Variants in SLC25A26 observed in about 807,000 individuals in gnomAD.
SLC25A26 encodes mitochondrial S-adenosylmethionine carrier protein.
A neutral mutation model predicts 37.8 loss-of-function variants in SLC25A26; 36 were observed. The ratio of observed to expected loss-of-function variants is 0.95; its 90% CI spans 0.73 to 1.26. The LOEUF is 1.26. Ranked by LOEUF, SLC25A26 falls within the 50% of genes most tolerant of loss-of-function variation. The pLI, the probability that SLC25A26 is intolerant of heterozygous loss-of-function variation, is 0.00. For missense variants in SLC25A26, 390 were observed against 331.1 expected, an observed-to-expected ratio of 1.18 and a Z score of -1.38; for synonymous variants, 129 against 122.5, an observed-to-expected ratio of 1.05 and a Z score of -0.35.
rs763696928 is a variant in SLC25A26 at position 66,178,850 on chromosome 3, C to T, written c.-353-41892C>T. On this transcript the variant is annotated intron_variant, in intron 1 of 10. Coordinates refer to the SLC25A26 transcript ENST00000676754. Reference sequence around the variant, plus strand: ...GAAAAATTAAGTTGAAGAATGATACCGTCAGGTATGTATATAATTGTTTAA... The same window carrying T: ...GAAAAATTAAGTTGAAGAATGATACTGTCAGGTATGTATATAATTGTTTAA... Among the ~76,000 whole-genome samples the T allele has an allele frequency of 3.9e-5, 6 of 151,930 alleles. No individual in the cohort carries two copies. The South Asian group carries it at 6.2e-4, about 16-fold the overall frequency.
intron 5 of SLC25A26, among the ~76,000 whole-genome samples, chr3:66,339,491 A>AAGTGACTGCAG (rs2076161210): frequency 6.6e-6 from 1 of 151,938 alleles, no homozygotes; most frequent in African/African-American, 2.4e-5. Flanking sequence ...TCCCTTGTTC[A>AAGTGACTGCAG]CCAACAGTGA....
At chr3:66,324,590 T>G (rs1305452192) in intron 5 of SLC25A26, among the ~76,000 whole-genome samples, 2 of 152,136 alleles carry the variant, frequency 1.3e-5, no homozygotes, top group Admixed American at 6.5e-5. Flanking sequence ...GGAGGGAGTT[T>G]GTTTCAGGAA....
At chr3:66,148,468 G>T (rs974098933) in intron 1 of SLC25A26, among the ~76,000 whole-genome samples, 1 of 152,118 alleles carries the variant, frequency 6.6e-6, no homozygotes, top group Non-Finnish European at 1.5e-5. Context: ...GAGGACAGAG[G>T]GGAAGCACCC....
chr3:66,205,426 G>T (rs2071163661), intron 1 of SLC25A26, among the ~76,000 whole-genome samples: 1 of 152,282 alleles, frequency 6.6e-6, no homozygotes, highest in Non-Finnish European at 1.5e-5. Flanking sequence ...TGGAATGGGG[G>T]TGCTTGCAGG....
chr3:66,368,774 T>C lies in SLC25A26; in HGVS notation c.569-704T>C, dbSNP rs558215924. Reference sequence around the variant, plus strand: ...GGTTCATGCCTGTAATCCCAACACTTTGGGAGGCCGAGGCAGGAGGAGTGC... The same window carrying C: ...GGTTCATGCCTGTAATCCCAACACTCTGGGAGGCCGAGGCAGGAGGAGTGC... On this transcript the variant is annotated intron_variant, in intron 7 of 9. Coordinates refer to ENST00000354883, the MANE Select transcript of SLC25A26 (RefSeq NM_001379210.1). 3.3e-5 allele frequency among the ~76,000 whole-genome samples: 5 copies of C among 151,954 alleles called. No individual in the cohort carries two copies. The East Asian group carries it at 9.7e-4, about 29-fold the overall frequency.
chr3:66,268,292 A>G (rs1268446668), intron 5 of SLC25A26, among the ~76,000 whole-genome samples: 1 of 152,162 alleles, frequency 6.6e-6, no homozygotes, highest in Non-Finnish European at 1.5e-5. Flanking sequence ...ACTTCGTGAA[A>G]AGTATCGGCA....
intron 5 of SLC25A26, among the ~76,000 whole-genome samples, chr3:66,311,035 C>A (rs1412625132): frequency 6.6e-6 from 1 of 152,094 alleles, no homozygotes; most frequent in Non-Finnish European, 1.5e-5. Flanking sequence ...TGAATGTTGG[C>A]CTTTCTTGCT....
intron 5 of SLC25A26, among the ~76,000 whole-genome samples, chr3:66,301,924 A>G (rs2075086530): frequency 6.6e-6 from 1 of 152,238 alleles, no homozygotes; most frequent in African/African-American, 2.4e-5. Flanking sequence ...GAGAGTAACA[A>G]TAATACCAAC....
At chr3:66,188,854 C>A (rs982235013) in intron 1 of SLC25A26, among the ~76,000 whole-genome samples, 1 of 151,818 alleles carries the variant, frequency 6.6e-6, no homozygotes, top group South Asian at 2.1e-4. Flanking sequence ...AGACCCTGTT[C>A]GTCACGCTGA....
At chr3:66,367,364 A>G (rs1575616358) in intron 7 of SLC25A26, among the ~76,000 whole-genome samples, 2 of 152,238 alleles carry the variant, frequency 1.3e-5, no homozygotes, top group Admixed American at 1.3e-4. Context: ...ACTAAGTAAA[A>G]TCTTCAAGTT....
rs1354460100 is a variant in SLC25A26, at chr3:66,213,843, T to G, written c.-353-6899T>G. Among the ~76,000 whole-genome samples the G allele has an allele frequency of 2.6e-5, 4 of 152,194 alleles. No individual in the cohort carries two copies. In the East Asian group the frequency reaches 7.7e-4, roughly 29 times the overall value. ...TATTTGGGAGGCTGAGGCAGGAGAA[T>G]CACTTGAACCCAGGAGGCAGAGGTT... On this transcript the variant is annotated intron_variant, in intron 1 of 10. Coordinates refer to the SLC25A26 transcript ENST00000676754.
At chr3:66,250,618 G>T (rs1036229686) in intron 3 of SLC25A26, among the ~76,000 whole-genome samples, 1 of 126,200 alleles carries the variant, frequency 7.9e-6, no homozygotes, top group African/African-American at 3.1e-5. Flanking sequence ...ATGATGTTCC[G>T]TAGGTTGGGG....
intron 6 of SLC25A26, among the ~76,000 whole-genome samples, chr3:66,352,331 C>A (rs1012310178): frequency 2.0e-5 from 3 of 152,110 alleles, no homozygotes; most frequent in Non-Finnish European, 4.4e-5. Context: ...TGTAATCTGG[C>A]CTCTGTCTGC....
intron 2 of SLC25A26, among the ~76,000 whole-genome samples, chr3:66,239,848 GA>G (rs2072487995): frequency 7.2e-6 from 1 of 139,654 alleles, no homozygotes; most frequent in South Asian, 2.2e-4. Context: ...TTTAACAGTG[GA>G]TTAAGCTGGA....
At chr3:66,331,805 C>T (rs1382483321) in intron 5 of SLC25A26, among the ~76,000 whole-genome samples, 1 of 152,148 alleles carries the variant, frequency 6.6e-6, no homozygotes, top group East Asian at 1.9e-4. Context: ...ACCAACTTGT[C>T]TTTGCTATAA....
chr3:66,314,761 G>GT (rs71105979), intron 5 of SLC25A26, among the ~76,000 whole-genome samples: 29,164 of 143,478 alleles, frequency 0.2, 2,990 homozygotes, highest in African/African-American at 0.23. Flanking sequence ...GCTTTTTTTT[G>GT]TTTTTTTTTT....
At chr3:66,212,756 G>T (rs2071301622) in intron 1 of SLC25A26, among the ~76,000 whole-genome samples, 2 of 152,072 alleles carry the variant, frequency 1.3e-5, no homozygotes, top group African/African-American at 4.8e-5. Context: ...TTTTGTGACT[G>T]GCTTATTTTG....
intron 1 of SLC25A26, among the ~76,000 whole-genome samples, chr3:66,193,705 A>G (rs1192860019): frequency 7.2e-5 from 11 of 152,206 alleles, no homozygotes; most frequent in Non-Finnish European, 8.8e-5. Flanking sequence ...GAACTTTTAG[A>G]TGCTTTGCTA....
At chr3:66,370,958 G>C (rs955112271) in intron 9 of SLC25A26, among the ~76,000 whole-genome samples, 1 of 152,136 alleles carries the variant, frequency 6.6e-6, no homozygotes, top group Non-Finnish European at 1.5e-5. Flanking sequence ...AAGCATTTGT[G>C]GTTTTGATGC....
Sources: allele counts gnomAD v4.1 joint callset (sites outside exome capture counted in the v4.1 genomes callset), GRCh38; gene constraint gnomAD v4.1.1; transcripts MANE v1.5; gene names NCBI Gene and HGNC (gene_info 2026-07-23, HGNC 2026-07-21).